Variants in ATAT1 observed in about 807,000 individuals in gnomAD.
ATAT1 encodes the protein alpha-tubulin N-acetyltransferase 1.
Under a neutral mutation model 57.2 loss-of-function variants are expected in ATAT1, and 42 were observed. That is an observed-to-expected ratio of 0.73 (90% CI 0.57 to 0.95). The LOEUF (loss-of-function observed/expected upper bound fraction) is 0.95, where lower values mean the gene tolerates loss of function less well. ATAT1 is among the 40% of genes least tolerant of loss of function. ATAT1 has a pLI of 0.00. For missense variants in ATAT1, 454 were observed against 523.7 expected (o/e 0.87, Z 1.30); for synonymous variants, 168 against 187.1 (o/e 0.90, Z 0.83).
At chr6:30,641,054 G>A (rs1765299152) in intron 8 of ATAT1, among the ~76,000 whole-genome samples, 1 of 151,654 alleles carries the variant, frequency 6.6e-6, no homozygotes, top group African/African-American at 2.4e-5. Flanking sequence ...AAATTGATAT[G>A]GAGAAACCAA....
chr6:30,641,936 G>A (rs1765536972), intron 8 of ATAT1: 6 of 1,330,692 alleles, frequency 4.5e-6, no homozygotes, highest in East Asian at 3.0e-5. Flanking sequence ...TCTCCCCTTC[G>A]ATCTTTCTCC....
chr6:30,637,602 G>A (rs1764404553), intron 6 of ATAT1, among the ~76,000 whole-genome samples: 1 of 151,684 alleles, frequency 6.6e-6, no homozygotes, highest in South Asian at 2.1e-4. Context: ...AGAAGAGCTT[G>A]AACCTGGGAG....
chr6:30,632,911 T>C (rs1047828657), intron 6 of ATAT1, among the ~76,000 whole-genome samples: 1 of 147,148 alleles, frequency 6.8e-6, no homozygotes, highest in African/African-American at 2.6e-5. Context: ...CACTGCACTC[T>C]AGCCTGGTGA....
chr6:30,636,065 T>C (rs1764011524), intron 6 of ATAT1, among the ~76,000 whole-genome samples: 1 of 152,158 alleles, frequency 6.6e-6, no homozygotes, highest in Non-Finnish European at 1.5e-5. Context: ...GTTGACAAGT[T>C]AGCCTTGGAT....
intron 6 of ATAT1, 33 bp from the exon 7 acceptor site, chr6:30,640,344 G>A (rs1446916726): frequency 1.2e-6 from 2 of 1,609,324 alleles, no homozygotes; most frequent in Non-Finnish European, 1.7e-6. Flanking sequence ...GTTAAGTGAT[G>A]CATGATTGTA....
At chr6:30,642,599 T>C (rs890839489) in intron 9 of ATAT1, among the ~76,000 whole-genome samples, 169 bp from the exon 10 acceptor site, 3 of 150,396 alleles carry the variant, frequency 2.0e-5, no homozygotes, top group African/African-American at 4.9e-5. Context: ...GCCAAGATCG[T>C]GCCACTGCAC....
At position 30,628,335 on chromosome 6, in the gene ATAT1, C is replaced by T. The variant is rs1762117568; in HGVS notation, c.406C>T (p.Arg136Ter). 1.9e-6 allele frequency: 3 copies of T among 1,612,910 alleles called. No homozygotes were observed. The highest frequency in any genetic ancestry group is 1.1e-5 in the South Asian group (1 of 91,080). The stretch of plus-strand genomic sequence containing the variant: ...AGTCTCCTTTTCCCTGCAGAAGGAG[C>T]GAGTGGAACCGCACCAACTGGCAAT... The change falls in exon 6 of 13, where the codon CGA becomes TGA. Residue 136 changes from arginine (R) to a stop codon, truncating the protein, a stop_gained. Transcript: ENST00000330083. LOFTEE classifies it high-confidence loss of function.
Position 30,626,876 on chromosome 6 carries a change from A to G in ATAT1, c.-328A>G. Reference sequence around the variant, plus strand: ...TCGTGTGGGGCGGGTCCGACCGCGCACAATGGGCCATGGAGTTCCCGTTCG... The same window carrying G: ...TCGTGTGGGGCGGGTCCGACCGCGCGCAATGGGCCATGGAGTTCCCGTTCG... On this transcript the variant is annotated 5_prime_UTR_variant, in exon 1 of 13. Coordinates refer to ENST00000330083, the MANE Select transcript of ATAT1 (RefSeq NM_001031722.4). 4 of 1,602,152 alleles carry G rather than the reference A, an allele frequency of 2.5e-6. No homozygotes were observed. Among genetic ancestry groups the G allele is most frequent in the Non-Finnish European group, 3.4e-6 (4 of 1,175,064 alleles).
At chr6:30,627,957 G>A (rs2127479713) in intron 4 of ATAT1, 46 bp downstream of exon 4, 1 of 1,610,268 alleles carries the variant, frequency 6.2e-7, no homozygotes, top group Non-Finnish European at 8.5e-7. Flanking sequence ...TGGTTTCTGA[G>A]AACAAAAGTG....
Position 30,642,143 on chromosome 6 carries a change from C to T in ATAT1, c.617-33C>T, listed in dbSNP as rs200373432. 932 of 1,613,824 alleles carry T rather than the reference C, an allele frequency of 5.8e-4. 3 individuals are homozygous for T. Among genetic ancestry groups the T allele is most frequent in the Middle Eastern group, 5.3e-3 (32 of 6,054 alleles). ...GAGGGGTGCAAAGTATGTCTCCTAA[C>T]GCTTACCCTGCCTATGTCCCCTCCA... On this transcript the variant is annotated intron_variant, in intron 8 of 12. Coordinates refer to ENST00000330083, the MANE Select transcript of ATAT1 (RefSeq NM_001031722.4).
In ATAT1 at chr6:30,642,833, G is replaced by GCCACCCC; in HGVS notation, c.756_757insACCCCCC (p.His253ThrfsTer49). ...GGCCCCTCGCCGCGCCACACCTCCA[G>GCCACCCC]CCCACCCACCCCCCCGCTCCAGCAG... On this transcript the variant is annotated frameshift_variant, in exon 10 of 13. Transcript: ENST00000330083. LOFTEE classifies it high-confidence loss of function. 1 of 1,537,874 alleles carries GCCACCCC rather than the reference G, an allele frequency of 6.5e-7. No homozygotes were observed. Among genetic ancestry groups the GCCACCCC allele is most frequent in the Non-Finnish European group, 8.7e-7 (1 of 1,145,782 alleles).
chr6:30,627,906 G>A lies in ATAT1; in HGVS notation c.280G>A (p.Val94Ile). 1 of 1,612,990 alleles carries A rather than the reference G, an allele frequency of 6.2e-7. No individual in the cohort carries two copies. The highest frequency in any genetic ancestry group is 8.5e-7 in the Non-Finnish European group (1 of 1,179,984). The change falls in exon 4 of 13, where the codon GTA becomes ATA. Residue 94 changes from valine (V) to isoleucine (I), a missense_variant. Around this residue, in one of 3 missense-constraint regions of ATAT1, gnomAD observed 236 missense variants for 284.5 expected, o/e 0.83. Coordinates refer to ENST00000330083, the MANE Select transcript of ATAT1 (RefSeq NM_001031722.4). ...CAAAGTTGGATACAAGAAGCTCTTT[G>A]TACTGGTGAGTGTTATTGGATGCTA...
chr6:30,643,675 G>A (rs545423918), intron 10 of ATAT1: 18 of 1,521,614 alleles, frequency 1.2e-5, no homozygotes, highest in Non-Finnish European at 1.6e-5. Context: ...ACCTGACAGA[G>A]CCCATAGGAT....
intron 8 of ATAT1, chr6:30,641,693 G>A (rs114028162): frequency 0.013 from 9,355 of 738,084 alleles, 193 homozygotes; most frequent in African/African-American, 0.078. Flanking sequence ...TCCCATTTTC[G>A]TATAGGAAGG....
rs1766803289 is a variant in ATAT1 at position 30,646,759 on chromosome 6, T to C, written c.*116T>C. The C allele has an allele frequency of 1.5e-6, 2 of 1,359,972 alleles. No individual in the cohort carries two copies. Among genetic ancestry groups the C allele is most frequent in the African/African-American group, 3.0e-5 (2 of 67,330 alleles). 84.2% of individuals were successfully genotyped at this position (1,359,972 alleles called of 1,614,324 possible). A position where few individuals can be genotyped will look rare whatever the true frequency, so the allele number is the denominator to read the frequency against. ...CATTCATTCATTCATTCAGCAGGCT[T>C]ATCAGATTCAAGTCATTTGTATCTT... On this transcript the variant is annotated 3_prime_UTR_variant, in exon 13 of 13. Coordinates refer to ENST00000330083, the MANE Select transcript of ATAT1 (RefSeq NM_001031722.4).
At position 30,629,618 on chromosome 6, in the gene ATAT1, C is replaced by T. The variant is rs1246761125; in HGVS notation, c.501+1188C>T. 5.3e-5 allele frequency among the ~76,000 whole-genome samples: 8 copies of T among 152,160 alleles called. No individual in the cohort carries two copies. The South Asian group carries it at 1.7e-3, about 32-fold the overall frequency. On this transcript the variant is annotated intron_variant, in intron 6 of 12. Coordinates refer to ENST00000330083, the MANE Select transcript of ATAT1 (RefSeq NM_001031722.4). The stretch of plus-strand genomic sequence containing the variant: ...GGAGTGCAGTGGCACGATCTCAGCT[C>T]ACTGCAAGCTCCGCCTCCCAGGTTC...
In ATAT1 at chr6:30,642,945, A is replaced by G; in HGVS notation, c.866A>G (p.His289Arg). Residue 289 changes from histidine to arginine, a missense_variant, in exon 10 of 13, where the codon CAC (histidine) becomes CGC (arginine). This residue lies in a region of ATAT1 where 216 missense variants were observed against 222.2 expected (regional missense o/e 0.97). Coordinates refer to ENST00000330083, the MANE Select transcript of ATAT1 (RefSeq NM_001031722.4). ...CGTTCCTTGCGCCTCTGCCCCCCACACCCTACCGCCCGCCTTCTGTTGGCT... is the reference window on the plus strand; with the variant it reads ...CGTTCCTTGCGCCTCTGCCCCCCACGCCCTACCGCCCGCCTTCTGTTGGCT... 1 of 1,605,540 alleles carries G rather than the reference A, an allele frequency of 6.2e-7. No individual in the cohort carries two copies.
intron 4 of ATAT1, 37 bp from the exon 5 acceptor site, chr6:30,627,995 C>G: frequency 6.2e-7 from 1 of 1,609,450 alleles, no homozygotes; most frequent in South Asian, 1.1e-5. Context: ...GCAGAGATGC[C>G]GGGGTTCCTA....
chr6:30,637,682 TA>T (rs529959080), intron 6 of ATAT1, among the ~76,000 whole-genome samples: 391 of 134,428 alleles, frequency 2.9e-3, no homozygotes, highest in Non-Finnish European at 3.0e-3. Flanking sequence ...GATTCCATGT[TA>T]AAAAAAAAAA....
Sources: allele counts gnomAD v4.1 joint callset (sites outside exome capture counted in the v4.1 genomes callset), GRCh38; gene constraint gnomAD v4.1.1; regional missense constraint gnomAD v4.1.1; transcripts MANE v1.5; gene names NCBI Gene and HGNC (gene_info 2026-07-23, HGNC 2026-07-21).